The following ACTR3B variants were observed in gnomAD, a reference collection of about 807,000 sequenced individuals.
ACTR3B encodes actin-related protein 3B.
Under a neutral mutation model 59.0 loss-of-function variants are expected in ACTR3B, and 8 were observed. The ratio of observed to expected loss-of-function variants is 0.14; its 90% CI spans 0.08 to 0.24. The LOEUF is 0.24. Among genes scored for constraint, ACTR3B ranks in the 10% least tolerant of loss-of-function variants. The pLI is 1.00. For synonymous variants in ACTR3B, 148 were observed against 197.9 expected (o/e 0.75, Z 2.12); for missense variants, 245 against 552.3 (o/e 0.44, Z 5.58).
intron 1 of ACTR3B, among the ~76,000 whole-genome samples, chr7:152,760,228 G>A (rs1044375108): frequency 1.3e-5 from 2 of 152,188 alleles, no homozygotes; most frequent in Non-Finnish European, 2.9e-5. Flanking sequence ...CCCTGGACCC[G>A]CAGCCCGGCT....
chr7:152,853,026 T>C (rs189973108), intron 10 of ACTR3B, among the ~76,000 whole-genome samples: 13 of 152,102 alleles, frequency 8.5e-5, no homozygotes, highest in Non-Finnish European at 1.9e-4. Context: ...CTCCTGACCT[T>C]GTGATCCATG....
intron 1 of ACTR3B, among the ~76,000 whole-genome samples, chr7:152,765,469 C>A (rs1339919008): frequency 6.8e-6 from 1 of 147,556 alleles, no homozygotes; most frequent in Admixed American, 6.9e-5. Flanking sequence ...TGCATTGTTA[C>A]AGGAAGTCCC....
chr7:152,792,979 G>A (rs143468614), intron 2 of ACTR3B, among the ~76,000 whole-genome samples: 17 of 146,620 alleles, frequency 1.2e-4, no homozygotes, highest in African/African-American at 4.3e-4. Flanking sequence ...TTTTTGGTGT[G>A]TATGTGTCAA....
chr7:152,851,112 T>C (rs1186766367), intron 9 of ACTR3B, among the ~76,000 whole-genome samples: 2 of 152,190 alleles, frequency 1.3e-5, no homozygotes, highest in African/African-American at 2.4e-5. Flanking sequence ...TATACTGTGT[T>C]TTTTCTTGTA....
rs1163670065 is a variant in ACTR3B at position 152,828,273 on chromosome 7, G to A, written c.951+3151G>A. 4.0e-5 allele frequency among the ~76,000 whole-genome samples: 6 copies of A among 151,416 alleles called. No homozygotes were observed. In the East Asian group the frequency reaches 9.7e-4, roughly 25 times the overall value. Reference sequence around the variant, plus strand: ...GAAAGACTGTGGAAGAGTCACTGCCGAGCTCTGCTCACAGCCCAGGGTAGA... The same window carrying A: ...GAAAGACTGTGGAAGAGTCACTGCCAAGCTCTGCTCACAGCCCAGGGTAGA... On this transcript the variant is annotated intron_variant, in intron 9 of 11. Coordinates refer to ENST00000256001, the MANE Select transcript of ACTR3B (RefSeq NM_020445.6).
chr7:152,814,519 A>G, intron 4 of ACTR3B, 31 bp from the exon 5 acceptor site: 1 of 1,470,784 alleles, frequency 6.8e-7, no homozygotes, highest in Non-Finnish European at 9.5e-7. Context: ...AATTCGGGTA[A>G]ACACTAAATA....
intron 2 of ACTR3B, among the ~76,000 whole-genome samples, chr7:152,791,425 T>C (rs1355553608): frequency 6.6e-6 from 1 of 152,246 alleles, no homozygotes; most frequent in Non-Finnish European, 1.5e-5. Flanking sequence ...TATTTTGAAA[T>C]AATTATAGAT....
chr7:152,823,091 G>T (rs1796305000), intron 7 of ACTR3B, among the ~76,000 whole-genome samples: 1 of 152,186 alleles, frequency 6.6e-6, no homozygotes, highest in Non-Finnish European at 1.5e-5. Flanking sequence ...GATAGAATTG[G>T]ATAGACCAAG....
chr7:152,808,594 G>C (rs1216588183), intron 4 of ACTR3B, among the ~76,000 whole-genome samples: 1 of 152,158 alleles, frequency 6.6e-6, no homozygotes, highest in African/African-American at 2.4e-5. Flanking sequence ...TTGCTGGGAG[G>C]CAAGAAACCT....
chr7:152,850,324 ACTTCTCCAGGTGGAAGGCCAG>A (rs1260076159), intron 9 of ACTR3B, among the ~76,000 whole-genome samples: 18 of 140,492 alleles, frequency 1.3e-4, no homozygotes, highest in African/African-American at 3.0e-4. Context: ...ATCACTGGTC[ACTTCTCCAGGTGGAAGGCCAG>A]CTTCTCCAGG....
Position 152,832,056 on chromosome 7 carries a change from A to G in ACTR3B, c.951+6934A>G, listed in dbSNP as rs550074279. Among the ~76,000 whole-genome samples the G allele has an allele frequency of 1.6e-3, 248 of 152,326 alleles. 3 individuals carry two copies. The highest frequency in any genetic ancestry group is 5.8e-3 in the African/African-American group (242 of 41,562). On this transcript the variant is annotated intron_variant, in intron 9 of 11. Transcript: ENST00000256001. ...AGTCTGGATTTAGGAAGGCCATTGT[A>G]GAACCACGCGGAGGCAGGACAGTGC...
intron 11 of ACTR3B, 149 bp downstream of exon 11, chr7:152,853,726 TG>T: frequency 2.8e-6 from 2 of 707,376 alleles, no homozygotes; most frequent in Admixed American, 2.9e-5. Context: ...ATATCTTTTT[TG>T]TTTTTTCGAG....
intron 6 of ACTR3B, 81 bp downstream of exon 6, chr7:152,816,669 A>T (rs1795724338): frequency 8.7e-7 from 1 of 1,154,892 alleles, no homozygotes; most frequent in South Asian, 1.7e-5. Context: ...AAAAAAAAAA[A>T]CCTCTTCTGT....
chr7:152,835,483 G>T (rs878995037), intron 9 of ACTR3B, among the ~76,000 whole-genome samples: 3 of 152,162 alleles, frequency 2.0e-5, no homozygotes, highest in African/African-American at 7.2e-5. Flanking sequence ...GTGTATAATA[G>T]CATTATGTCT....
chr7:152,771,119 A>C (rs1235533299), intron 1 of ACTR3B, among the ~76,000 whole-genome samples: 1 of 151,396 alleles, frequency 6.6e-6, no homozygotes, highest in East Asian at 1.9e-4. Flanking sequence ...GCCTGCTACC[A>C]TGCCTGGCTA....
At chr7:152,796,233 A>G (rs1458672205) in intron 2 of ACTR3B, among the ~76,000 whole-genome samples, 1 of 152,114 alleles carries the variant, frequency 6.6e-6, no homozygotes, top group Non-Finnish European at 1.5e-5. Flanking sequence ...ATTTGTTGCT[A>G]TTATAATTAG....
chr7:152,849,513 A>G (rs1798627907), intron 9 of ACTR3B, among the ~76,000 whole-genome samples: 1 of 152,264 alleles, frequency 6.6e-6, no homozygotes, highest in Non-Finnish European at 1.5e-5. Flanking sequence ...GTCCCTGGCC[A>G]AGCCACTGTA....
chr7:152,814,722 C>G (rs1795547558), intron 5 of ACTR3B, 77 bp downstream of exon 5: 15 of 1,199,966 alleles, frequency 1.3e-5, no homozygotes, highest in Admixed American at 2.2e-5. Flanking sequence ...TCCCAAGGTT[C>G]TCCGCTGGAA....
chr7:152,832,659 G>GCCACTATCTCTATCTC (rs1417758569), intron 9 of ACTR3B, among the ~76,000 whole-genome samples: 1 of 152,150 alleles, frequency 6.6e-6, no homozygotes, highest in East Asian at 1.9e-4. Flanking sequence ...ACCACACCTG[G>GCCACTATCTCTATCTC]CCACTATCTC....
Sources: allele counts gnomAD v4.1 joint callset (sites outside exome capture counted in the v4.1 genomes callset), GRCh38; gene constraint gnomAD v4.1.1; transcripts MANE v1.5; gene names NCBI Gene and HGNC (gene_info 2026-07-23, HGNC 2026-07-21).